Variants in OXR1 observed in about 807,000 individuals in gnomAD.
OXR1 encodes the protein oxidation resistance protein 1.
Under a neutral mutation model 104.6 loss-of-function variants are expected in OXR1, and 41 were observed. That is an observed-to-expected ratio of 0.39 (90% CI 0.31 to 0.51). The LOEUF is 0.51. Among genes scored for constraint, OXR1 ranks in the 20% least tolerant of loss-of-function variants. The pLI is 0.77. For missense variants in OXR1, 955 were observed against 1,031.9 expected (o/e 0.93, Z 1.02); for synonymous variants, 348 against 348.4 (o/e 1.00, Z 0.01).
intron 3 of OXR1, among the ~76,000 whole-genome samples, chr8:106,637,281 T>C (rs1249456145): frequency 6.6e-6 from 1 of 152,204 alleles, no homozygotes; most frequent in East Asian, 1.9e-4. Context: ...AGCATGATGC[T>C]ATTTTAAAAT....
chr8:106,297,460 A>G (rs1360762879), intron 1 of OXR1, among the ~76,000 whole-genome samples: 1 of 152,188 alleles, frequency 6.6e-6, no homozygotes, highest in Non-Finnish European at 1.5e-5. Context: ...GGTACAGCCC[A>G]TTATACACCT....
chr8:106,512,936 C>T (rs1375281290), intron 2 of OXR1, among the ~76,000 whole-genome samples: 1 of 152,142 alleles, frequency 6.6e-6, no homozygotes, highest in East Asian at 1.9e-4. Context: ...AGAAACCCTC[C>T]ACAGTGAGCA....
chr8:106,572,130 C>T (rs1459629907), intron 3 of OXR1, among the ~76,000 whole-genome samples: 1 of 152,164 alleles, frequency 6.6e-6, no homozygotes, highest in African/African-American at 2.4e-5. Flanking sequence ...ATTTCGGAAT[C>T]ACCTTCAATA....
chr8:106,573,401 T>A (rs997364340), intron 3 of OXR1, among the ~76,000 whole-genome samples: 1 of 151,642 alleles, frequency 6.6e-6, no homozygotes, highest in Non-Finnish European at 1.5e-5. Context: ...AAGTGTGTGT[T>A]ATACTTTCAG....
At chr8:106,424,503 A>T (rs1819030882) in intron 2 of OXR1, among the ~76,000 whole-genome samples, 1 of 152,204 alleles carries the variant, frequency 6.6e-6, no homozygotes, top group East Asian at 1.9e-4. Context: ...TCCATTATAG[A>T]TTCTATTATG....
intron 3 of OXR1, chr8:106,658,173 C>T: frequency 8.0e-7 from 1 of 1,242,788 alleles, no homozygotes; most frequent in Non-Finnish European, 1.0e-6. Flanking sequence ...GCCGTCCAGC[C>T]CGGAGGGACC....
intron 2 of OXR1, among the ~76,000 whole-genome samples, chr8:106,388,348 C>A (rs1412364983): frequency 1.3e-5 from 2 of 152,190 alleles, no homozygotes; most frequent in African/African-American, 4.8e-5. Context: ...CATTCAAAGA[C>A]CTGCAGCCCT....
At chr8:106,326,786 AG>A (rs1409878989) in intron 1 of OXR1, among the ~76,000 whole-genome samples, 1 of 152,204 alleles carries the variant, frequency 6.6e-6, no homozygotes, top group Non-Finnish European at 1.5e-5. Context: ...AGCAGAGGAA[AG>A]CAATAGGGAA....
intron 3 of OXR1, among the ~76,000 whole-genome samples, chr8:106,525,660 T>C (rs1168340727): frequency 6.6e-6 from 1 of 152,216 alleles, no homozygotes; most frequent in African/African-American, 2.4e-5. Flanking sequence ...GGCTCCTGAA[T>C]AGGTCCAAAA....
chr8:106,538,365 T>C (rs1318562194), intron 3 of OXR1, among the ~76,000 whole-genome samples: 1 of 152,232 alleles, frequency 6.6e-6, no homozygotes, highest in African/African-American at 2.4e-5. Context: ...TTTGATTTTT[T>C]AGCACAACGC....
chr8:106,297,339 C>T (rs1813039910), intron 1 of OXR1, among the ~76,000 whole-genome samples: 1 of 152,126 alleles, frequency 6.6e-6, no homozygotes, highest in Admixed American at 6.6e-5. Flanking sequence ...CTACCACTTA[C>T]TAAATACAGT....
At chr8:106,420,981 G>C (rs983673114) in intron 2 of OXR1, among the ~76,000 whole-genome samples, 4 of 152,002 alleles carry the variant, frequency 2.6e-5, no homozygotes, top group African/African-American at 7.2e-5. Context: ...GAGTGTTTTT[G>C]AGGCTGTACC....
At position 106,433,569 on chromosome 8, in the gene OXR1, C is replaced by T. The variant is rs187931372; in HGVS notation, c.23+73933C>T. On this transcript the variant is annotated intron_variant, in intron 2 of 16. Coordinates refer to ENST00000517566, the MANE Select transcript of OXR1 (RefSeq NM_001198533.2). ...GTCAAACCATGAACTGAATTCCTTC[C>T]CAAACTTAGTTCCGTCTATGCCCAG... Among the ~76,000 whole-genome samples, 5 of 152,230 alleles carry T rather than the reference C, an allele frequency of 3.3e-5. No homozygotes were observed. In the East Asian group the frequency reaches 9.7e-4, roughly 29 times the overall value.
intron 2 of OXR1, among the ~76,000 whole-genome samples, chr8:106,391,361 G>A (rs553422230): frequency 6.6e-6 from 1 of 151,734 alleles, no homozygotes; most frequent in South Asian, 2.1e-4. Context: ...GAGTTGCTAA[G>A]AATTTACGTT....
intron 1 of OXR1, among the ~76,000 whole-genome samples, chr8:106,293,230 A>G (rs537483472): frequency 1.3e-5 from 2 of 152,328 alleles, no homozygotes; most frequent in African/African-American, 4.8e-5. Context: ...TTGGGCCAAA[A>G]TGTAAATCAC....
At position 106,584,502 on chromosome 8, in the gene OXR1, T is replaced by C. The variant is rs533189303; in HGVS notation, c.220+65363T>C. ...TTTCAAAGAAAAGATTCTTAAATCA[T>C]GAGGGAGACATATTCATTCAATGGA... On this transcript the variant is annotated intron_variant, in intron 3 of 16. Coordinates refer to ENST00000517566, the MANE Select transcript of OXR1 (RefSeq NM_001198533.2). 3.3e-5 allele frequency among the ~76,000 whole-genome samples: 5 copies of C among 152,224 alleles called. No individual in the cohort carries two copies. The East Asian group carries it at 9.6e-4, about 29-fold the overall frequency.
At chr8:106,672,409 C>T (rs887032118) in intron 3 of OXR1, among the ~76,000 whole-genome samples, 8 of 151,582 alleles carry the variant, frequency 5.3e-5, no homozygotes, top group Non-Finnish European at 1.2e-4. Flanking sequence ...ATTGCTTCAA[C>T]CTGGGAGGTT....
At chr8:106,514,245 C>T (rs890928306) in intron 2 of OXR1, among the ~76,000 whole-genome samples, 3 of 152,070 alleles carry the variant, frequency 2.0e-5, no homozygotes, top group Admixed American at 1.3e-4. Context: ...ATTTGTTTAA[C>T]GCATTTAATT....
At chr8:106,447,448 G>A (rs1234457247) in intron 2 of OXR1, among the ~76,000 whole-genome samples, 1 of 152,132 alleles carries the variant, frequency 6.6e-6, no homozygotes, top group East Asian at 1.9e-4. Context: ...TTATGTAACC[G>A]TGGGCAAGTT....
Sources: allele counts gnomAD v4.1 joint callset (sites outside exome capture counted in the v4.1 genomes callset), GRCh38; gene constraint gnomAD v4.1.1; transcripts MANE v1.5; gene names NCBI Gene and HGNC (gene_info 2026-07-23, HGNC 2026-07-21).